Variants in ERC1 observed in about 807,000 individuals in gnomAD.
The protein encoded by ERC1 is RAB6 interacting protein 2.
ERC1 carries 56 observed loss-of-function variants against 132.0 expected under a neutral mutation model. The ratio of observed to expected loss-of-function variants is 0.42; its 90% confidence interval spans 0.34 to 0.53. ERC1 has a LOEUF of 0.53. Ranked by LOEUF, ERC1 falls within the 20% of genes least tolerant of loss-of-function variation. The pLI is 0.03. For missense variants in ERC1, 1,202 were observed against 1,349.9 expected (o/e 0.89, Z 1.72); for synonymous variants, 478 against 476.1 (o/e 1.00, Z -0.05).
intron 8 of ERC1, among the ~76,000 whole-genome samples, chr12:1,158,810 G>A (rs191133472): frequency 1.4e-3 from 209 of 152,106 alleles, no homozygotes; most frequent in African/African-American, 4.8e-3. Context: ...GAATTGTTTT[G>A]TATGAAGGGT....
chr12:1,193,971 CA>C (rs1325136458), intron 12 of ERC1, among the ~76,000 whole-genome samples: 1 of 152,104 alleles, frequency 6.6e-6, no homozygotes, highest in African/African-American at 2.4e-5. Flanking sequence ...AATAAACAAA[CA>C]AACCAGAGCT....
chr12:1,093,957 C>CTATATATATATATATATA (rs202076174), intron 3 of ERC1, among the ~76,000 whole-genome samples: 2,916 of 68,498 alleles, frequency 0.043, 330 homozygotes, highest in South Asian at 0.085. Context: ...ATATATTTTT[C>CTATATATATATATATATA]TATATATATA....
At position 999,290 on chromosome 12, in the gene ERC1, C is replaced by G. The variant is rs140894741; in HGVS notation, c.-157+7968C>G. Reference sequence around the variant, plus strand: ...TCATTTTTATGTCTTCAGTTTTTACCTCTCTCCTGAGTCTGAGGACCACTC... The same window carrying G: ...TCATTTTTATGTCTTCAGTTTTTACGTCTCTCCTGAGTCTGAGGACCACTC... On this transcript the variant is annotated intron_variant, in intron 1 of 18. Transcript: ENST00000360905. 3.3e-3 allele frequency among the ~76,000 whole-genome samples: 501 copies of G among 152,188 alleles called. 1 individual carries two copies. Among genetic ancestry groups the G allele is most frequent in the African/African-American group, 0.011 (450 of 41,524 alleles).
chr12:1,055,414 A>G (rs1453979175), intron 2 of ERC1, among the ~76,000 whole-genome samples: 1 of 152,120 alleles, frequency 6.6e-6, no homozygotes, highest in African/African-American at 2.4e-5. Context: ...TCCTGACCTC[A>G]AATGATCTGC....
rs144580264 is a variant in ERC1, at chr12:1,333,017, T to TTCGTCCTGATCCTCGTCCTGATCC, written c.2781-38760_2781-38737dup. On this transcript the variant is annotated intron_variant, in intron 15 of 18. Coordinates refer to ENST00000360905, the MANE Select transcript of ERC1 (RefSeq NM_178040.4). The stretch of plus-strand genomic sequence containing the variant: ...CTGGTACCCTTTAGTTACTTTATAA[T>TTCGTCCTGATCCTCGTCCTGATCC]TCGTCCTGATCCTCGTCCTGATCCT... 6.9e-3 allele frequency among the ~76,000 whole-genome samples: 700 copies of TTCGTCCTGATCCTCGTCCTGATCC among 101,530 alleles called. 20 individuals carry two copies. The highest frequency in any genetic ancestry group is 0.022 in the African/African-American group (604 of 27,438). 66.6% of individuals were successfully genotyped at this position (101,530 alleles called of 152,430 possible).
At chr12:1,121,847 ATCTCT>A (rs1947289218) in intron 7 of ERC1, among the ~76,000 whole-genome samples, 2 of 28,674 alleles carry the variant, frequency 7.0e-5, no homozygotes, top group African/African-American at 3.4e-4. Context: ...ATCTATCTCT[ATCTCT>A]ATCTCTATCT....
intron 8 of ERC1, among the ~76,000 whole-genome samples, chr12:1,164,093 G>A (rs1952129437): frequency 6.6e-6 from 1 of 152,176 alleles, no homozygotes; most frequent in Non-Finnish European, 1.5e-5. Flanking sequence ...CACTTCTAAT[G>A]TGGAAGCTGC....
chr12:1,157,944 C>T (rs1487286162), intron 8 of ERC1, among the ~76,000 whole-genome samples: 1 of 152,170 alleles, frequency 6.6e-6, no homozygotes, highest in African/African-American at 2.4e-5. Context: ...GAGAGTCAAA[C>T]TGTCCAAAAC....
At chr12:1,369,178 C>A (rs963753248) in intron 15 of ERC1, among the ~76,000 whole-genome samples, 3 of 152,166 alleles carry the variant, frequency 2.0e-5, no homozygotes, top group African/African-American at 7.2e-5. Context: ...CCACATTCCT[C>A]AAAACTTTGA....
At chr12:1,151,369 C>T (rs1037390227) in intron 8 of ERC1, among the ~76,000 whole-genome samples, 2 of 152,190 alleles carry the variant, frequency 1.3e-5, no homozygotes, top group African/African-American at 4.8e-5. Context: ...TTGCCCCTGG[C>T]TTCCAGATCT....
intron 15 of ERC1, among the ~76,000 whole-genome samples, chr12:1,337,293 T>A (rs941487169): frequency 2.6e-5 from 4 of 152,008 alleles, no homozygotes; most frequent in African/African-American, 7.3e-5. Context: ...CCCCTTACTA[T>A]TTAGTAATGC....
chr12:1,008,899 C>T (rs965882816), intron 1 of ERC1, among the ~76,000 whole-genome samples: 5 of 152,180 alleles, frequency 3.3e-5, no homozygotes, highest in African/African-American at 1.2e-4. Flanking sequence ...CAGCACTCAG[C>T]AGCTGCATAT....
Position 1,444,699 on chromosome 12 carries a change from C to G in ERC1, c.3162C>G (p.Asp1054Glu). 6.2e-7 allele frequency: 1 copy of G among 1,614,162 alleles called. No individual in the cohort carries two copies. The highest frequency in any genetic ancestry group is 1.7e-5 in the Admixed American group (1 of 60,014). Residue 1054 changes from aspartate (D) to glutamate (E), a missense_variant, in exon 18 of 19, where the codon GAC becomes GAG. Coordinates refer to ENST00000360905, the MANE Select transcript of ERC1 (RefSeq NM_178040.4). ...GLTPPASYNLDDDQAAWENEL... is the reference protein window; with the variant it reads ...GLTPPASYNLEDDQAAWENEL... ...CTCCACCAGCTTCCTATAACTTGGA[C>G]GATGACCAGGCGGCTTGGGAGAATG... is the stretch of plus-strand genomic sequence containing the variant.
At chr12:1,098,150 C>T (rs1034017133) in intron 3 of ERC1, among the ~76,000 whole-genome samples, 4 of 152,186 alleles carry the variant, frequency 2.6e-5, no homozygotes, top group African/African-American at 9.7e-5. Context: ...ATATCTGGGC[C>T]ATCACCTTGT....
intron 12 of ERC1, among the ~76,000 whole-genome samples, chr12:1,217,466 G>T (rs1316324244): frequency 6.6e-6 from 1 of 152,154 alleles, no homozygotes; most frequent in Non-Finnish European, 1.5e-5. Flanking sequence ...TTTTCCTCTA[G>T]CCTGCTGCCA....
chr12:1,132,688 A>G (rs1948875879), intron 7 of ERC1, among the ~76,000 whole-genome samples: 1 of 147,184 alleles, frequency 6.8e-6, no homozygotes, highest in Non-Finnish European at 1.5e-5. Flanking sequence ...GTTCCTACAT[A>G]CAGATCCATG....
In ERC1 at chr12:1,011,033, T is replaced by C; in HGVS notation, c.-156-16715T>C. Among the ~76,000 whole-genome samples the C allele has an allele frequency of 1.3e-5, 2 of 152,142 alleles. 1 individual carries two copies. The highest frequency in any genetic ancestry group is 3.9e-4 in the East Asian group (2 of 5,194). On this transcript the variant is annotated intron_variant, in intron 1 of 18. Coordinates refer to ENST00000360905, the MANE Select transcript of ERC1 (RefSeq NM_178040.4). ...TAATATTAGGCATTTTACATCCGTA[T>C]TATTGGAAATAATGAAAAATTTTAT...
At chr12:1,409,346 T>A (rs970711538) in intron 17 of ERC1, among the ~76,000 whole-genome samples, 1 of 152,180 alleles carries the variant, frequency 6.6e-6, no homozygotes, top group Non-Finnish European at 1.5e-5. Context: ...GGAACTGAAT[T>A]TATGCCAGGG....
intron 15 of ERC1, among the ~76,000 whole-genome samples, chr12:1,330,257 G>A (rs553502688): frequency 2.0e-5 from 3 of 152,270 alleles, no homozygotes; most frequent in East Asian, 1.9e-4. Context: ...CCACATCCTC[G>A]AGTGAGTGAT....
Sources: gnomAD v4.1 joint callset for allele counts (sites outside exome capture counted in the v4.1 genomes callset) on GRCh38, gnomAD v4.1.1 for gene constraint, MANE v1.5 for transcripts, NCBI Gene and HGNC (gene_info 2026-07-23, HGNC 2026-07-21) for gene names.